ZNRF3: variants seen among roughly 807,000 people sequenced by gnomAD.
ZNRF3 encodes the protein E3 ubiquitin-protein ligase ZNRF3.
ZNRF3 carries 23 observed loss-of-function variants against 72.5 expected under a neutral mutation model. The ratio of observed to expected loss-of-function variants is 0.32; its 90% CI spans 0.23 to 0.45. The LOEUF (loss-of-function observed/expected upper bound fraction) is 0.45, where lower values mean the gene tolerates loss of function less well. Ranked by LOEUF, ZNRF3 falls within the 20% of genes least tolerant of loss-of-function variation. The pLI is 1.00. For synonymous variants in ZNRF3, 610 were observed against 545.3 expected, an observed-to-expected ratio of 1.12 and a Z score of -1.65; for missense variants, 1,169 against 1,272.1, an observed-to-expected ratio of 0.92 and a Z score of 1.23.
intron 1 of ZNRF3, among the ~76,000 whole-genome samples, chr22:28,966,638 A>C (rs945708026): frequency 5.9e-5 from 9 of 152,114 alleles, no homozygotes; most frequent in Non-Finnish European, 1.2e-4. Flanking sequence ...AAAAAGTAAA[A>C]AAAAAAGTTT....
chr22:28,945,379 A>G (rs773294262), intron 1 of ZNRF3, among the ~76,000 whole-genome samples: 1 of 152,064 alleles, frequency 6.6e-6, no homozygotes, highest in Non-Finnish European at 1.5e-5. Context: ...ATATTAAGCA[A>G]TGTGTCATAT....
Position 28,907,232 on chromosome 22 carries a change from A to G in ZNRF3, c.300+23166A>G, listed in dbSNP as rs556577354. Among the ~76,000 whole-genome samples the G allele has an allele frequency of 4.2e-4, 64 of 151,828 alleles. 2 individuals are homozygous for G. Among genetic ancestry groups the G allele is most frequent in the Admixed American group, 3.1e-3 (47 of 15,240 alleles). On this transcript the variant is annotated intron_variant, in intron 1 of 8. Coordinates refer to ENST00000544604, the MANE Select transcript of ZNRF3 (RefSeq NM_001206998.2). ...GGTCTCGAACTCCTGAGCTCAGGCA[A>G]TCTGCCCACCTTGGCCTCCCAAAGT...
rs544576820 is a variant in ZNRF3 at position 28,883,588 on chromosome 22, G to A, written c.-179G>A. On this transcript the variant is annotated 5_prime_UTR_variant, in exon 1 of 9. Transcript: ENST00000544604. The surrounding 1 kb of genome is among the most constrained non-coding windows in gnomAD (Gnocchi z 5.5). The stretch of plus-strand genomic sequence containing the variant: ...CGGGGCGGGGATAACCCCTCACGTG[G>A]AGCAGATGAAAGGGCCGCGGCGCGA... 5.2e-5 allele frequency: 27 copies of A among 521,680 alleles called. No individual in the cohort carries two copies. The African/African-American group carries it at 5.6e-4, about 11-fold the overall frequency. 32.3% of individuals were successfully genotyped at this position (521,680 alleles called of 1,614,324 possible).
At chr22:28,982,704 T>C (rs558758345) in intron 1 of ZNRF3, among the ~76,000 whole-genome samples, 2 of 152,246 alleles carry the variant, frequency 1.3e-5, no homozygotes, top group South Asian at 4.2e-4. Flanking sequence ...ACTCCATCCT[T>C]GGGACAGGTC....
intron 1 of ZNRF3, among the ~76,000 whole-genome samples, chr22:28,968,858 T>A (rs768041243): frequency 2.0e-5 from 3 of 152,126 alleles, no homozygotes; most frequent in Non-Finnish European, 4.4e-5. Flanking sequence ...GGAGTCAGAG[T>A]TCGTTTGGAG....
At chr22:29,019,581 A>C (rs2036493974) in intron 2 of ZNRF3, among the ~76,000 whole-genome samples, 1 of 152,188 alleles carries the variant, frequency 6.6e-6, no homozygotes, top group Non-Finnish European at 1.5e-5. Context: ...CAAAACTCAA[A>C]CACAGGTCCC....
chr22:28,977,428 G>GA (rs542730754), intron 1 of ZNRF3, among the ~76,000 whole-genome samples: 21 of 151,840 alleles, frequency 1.4e-4, no homozygotes, highest in African/African-American at 3.9e-4. Context: ...ATAGAAGAGG[G>GA]AAAAAAAATC....
At chr22:28,949,041 G>A (rs999387400) in intron 1 of ZNRF3, among the ~76,000 whole-genome samples, 5 of 150,836 alleles carry the variant, frequency 3.3e-5, no homozygotes, top group East Asian at 2.0e-4. Context: ...GTGCAATGGC[G>A]TGATCTCGGC....
At chr22:29,051,396 A>G (rs1379084196) in intron 8 of ZNRF3, among the ~76,000 whole-genome samples, 1 of 152,072 alleles carries the variant, frequency 6.6e-6, no homozygotes, top group Non-Finnish European at 1.5e-5. Context: ...ATGACTCCTC[A>G]TGGCTGGGAT....
In ZNRF3 at chr22:28,918,902, A is replaced by G. The variant is rs576611182; in HGVS notation, c.300+34836A>G. 6.4e-4 allele frequency among the ~76,000 whole-genome samples: 97 copies of G among 152,222 alleles called. 2 individuals carry two copies. Among genetic ancestry groups the G allele is most frequent in the Non-Finnish European group, 1.5e-5 (1 of 68,006 alleles). On this transcript the variant is annotated intron_variant, in intron 1 of 8. Transcript: ENST00000544604. The stretch of plus-strand genomic sequence containing the variant: ...CTTAACCTTGGGTTTCCCATCAATA[A>G]AGTTGGGCTGGTGGAAATACCGGAT...
At chr22:29,004,789 C>T (rs898544289) in intron 2 of ZNRF3, among the ~76,000 whole-genome samples, 11 of 152,188 alleles carry the variant, frequency 7.2e-5, no homozygotes, top group Admixed American at 2.6e-4. Context: ...ACCTCCCGCC[C>T]GGTTCCAGTC....
intron 1 of ZNRF3, among the ~76,000 whole-genome samples, chr22:28,984,073 G>A (rs1398517943): frequency 6.6e-6 from 1 of 151,912 alleles, no homozygotes; most frequent in Non-Finnish European, 1.5e-5. Context: ...GGCAGTGCTA[G>A]GCAGGGCGTA....
chr22:29,024,963 C>T (rs2036601099), intron 2 of ZNRF3: 3 of 146,294 alleles, frequency 2.1e-5, no homozygotes. Context: ...CCCAACCATG[C>T]AACCCTGTGC....
At chr22:28,991,943 G>A (rs1376523637) in intron 2 of ZNRF3, among the ~76,000 whole-genome samples, 1 of 151,614 alleles carries the variant, frequency 6.6e-6, no homozygotes, top group East Asian at 1.9e-4. Context: ...AGAAGTTCAA[G>A]ACCAGTTTGG....
chr22:28,893,376 G>A (rs1292994293), intron 1 of ZNRF3, among the ~76,000 whole-genome samples: 6 of 152,122 alleles, frequency 3.9e-5, no homozygotes, highest in Non-Finnish European at 8.8e-5. Flanking sequence ...TGCACCCGTG[G>A]TATAATTTGT....
At chr22:28,884,606 A>AGGC (rs2033738841) in intron 1 of ZNRF3, among the ~76,000 whole-genome samples, 2 of 152,148 alleles carry the variant, frequency 1.3e-5, no homozygotes, top group Admixed American at 1.3e-4. Context: ...AAGCAGCAGC[A>AGGC]GGCAGGGGAG....
At position 29,050,063 on chromosome 22, in the gene ZNRF3, C is replaced by T. The variant is rs770622005; in HGVS notation, c.1882C>T (p.Pro628Ser). The T allele has an allele frequency of 6.8e-5, 109 of 1,607,250 alleles. No homozygotes were observed. Among genetic ancestry groups the T allele is most frequent in the Admixed American group, 8.4e-5 (5 of 59,718 alleles). Residue 628 changes from proline (P) to serine (S), a missense_variant, in exon 8 of 9, where the codon CCG becomes TCG. This residue lies in a region of ZNRF3 where 783 missense variants were observed against 731.4 expected (regional missense o/e 1.07). Coordinates refer to ENST00000544604, the MANE Select transcript of ZNRF3 (RefSeq NM_001206998.2). The stretch of plus-strand genomic sequence containing the variant: ...ACCTGCCCTGTGCTTCGAGGGCTCC[C>T]CGCCTCCCGAGGAGCTCCCGGCGGT... ...RGPALCFEGS[P>S]PPEELPAVHS... is the part of the protein sequence containing the mutation.
chr22:29,038,418 C>G (rs1197607947), intron 2 of ZNRF3, among the ~76,000 whole-genome samples: 3 of 151,666 alleles, frequency 2.0e-5, no homozygotes, highest in Admixed American at 6.6e-5. Flanking sequence ...CTCACTACAG[C>G]TTCAACCTCC....
chr22:28,998,917 A>G (rs1316398604), intron 2 of ZNRF3, among the ~76,000 whole-genome samples: 4 of 152,136 alleles, frequency 2.6e-5, no homozygotes, highest in African/African-American at 9.7e-5. Context: ...CCTCCCTGCC[A>G]CTGTCCCCAT....
Sources: gnomAD v4.1 joint callset for allele counts (sites outside exome capture counted in the v4.1 genomes callset) on GRCh38, gnomAD v4.1.1 for gene constraint, gnomAD v4.1.1 regional missense constraint, Gnocchi (gnomAD v3.1) non-coding constraint, MANE v1.5 for transcripts, NCBI Gene and HGNC (gene_info 2026-07-23, HGNC 2026-07-21) for gene names.